PHF24: variants seen among roughly 807,000 people sequenced by gnomAD.
The protein encoded by PHF24 is PHD finger protein 24, also known as Galpha inhibitory interacting protein.
A neutral mutation model predicts 42.6 loss-of-function variants in PHF24; 25 were observed. The ratio of observed to expected loss-of-function variants is 0.59; its 90% CI spans 0.43 to 0.82. PHF24 has a LOEUF of 0.82. PHF24 is among the 40% of genes least tolerant of loss of function. The probability of loss-of-function intolerance (pLI) is 0.00; values close to 1 mark genes in which losing one functional copy is unlikely to be tolerated. For synonymous variants in PHF24, 185 were observed against 204.8 expected (o/e 0.90, Z 0.83); for missense variants, 470 against 538.1 (o/e 0.87, Z 1.25).
At chr9:34,741,219 A>AACACAC in the PHF24 span, among the ~76,000 whole-genome samples, 5 of 149,918 alleles carry the variant, frequency 3.3e-5, no homozygotes, top group African/African-American at 4.9e-5. Flanking sequence ...AAAGTTTAGA[A>AACACAC]ACACACACAC....
chr9:34,857,103 A>G, the PHF24 span, among the ~76,000 whole-genome samples: 1 of 152,170 alleles, frequency 6.6e-6, no homozygotes, highest in African/African-American at 2.4e-5. Context: ...CCAGCAGGCT[A>G]GAACAGCTGA....
chr9:34,833,235 C>T, the PHF24 span: 5 of 1,548,652 alleles, frequency 3.2e-6, no homozygotes, highest in South Asian at 3.6e-5. Flanking sequence ...CCACAGGGTT[C>T]CTCCAGGCTG....
the PHF24 span, among the ~76,000 whole-genome samples, chr9:34,891,393 C>T: frequency 6.6e-6 from 1 of 152,292 alleles, no homozygotes; most frequent in East Asian, 1.9e-4. Context: ...TATTTGTAAT[C>T]TATGTGGCTC....
chr9:34,942,863 G>C, the PHF24 span, among the ~76,000 whole-genome samples: 1 of 137,536 alleles, frequency 7.3e-6, no homozygotes. Context: ...ATGGGGGGCA[G>C]GGGGGAGGCA....
the PHF24 span, among the ~76,000 whole-genome samples, chr9:34,766,317 C>T: frequency 6.6e-6 from 1 of 152,304 alleles, no homozygotes; most frequent in East Asian, 1.9e-4. Flanking sequence ...GTTCCATTCT[C>T]CCCGTCACTT....
the PHF24 span, chr9:34,838,322 T>C: frequency 4.0e-6 from 3 of 742,610 alleles, no homozygotes; most frequent in South Asian, 2.9e-5. Flanking sequence ...GCTTAATTAG[T>C]TCAGTTGGAA....
chr9:34,872,148 C>G, the PHF24 span, among the ~76,000 whole-genome samples: 3 of 151,112 alleles, frequency 2.0e-5, no homozygotes, highest in Non-Finnish European at 4.4e-5. Flanking sequence ...TTTCTTTTTT[C>G]CTTTTGAGTG....
the PHF24 span, among the ~76,000 whole-genome samples, chr9:34,887,442 A>G: frequency 6.6e-6 from 1 of 152,092 alleles, no homozygotes; most frequent in Non-Finnish European, 1.5e-5. Context: ...TTACCACTGG[A>G]GTCATCCTCT....
chr9:34,723,749 TG>T, the PHF24 span: 1 of 1,551,734 alleles, frequency 6.4e-7, no homozygotes, highest in Non-Finnish European at 8.7e-7. Flanking sequence ...CTGTGAAGCC[TG>T]GGGCAACACA....
chr9:34,837,297 T>G, the PHF24 span: 83 of 353,046 alleles, frequency 2.4e-4, no homozygotes, highest in Middle Eastern at 1.1e-3. Flanking sequence ...CTTGTTCTTC[T>G]GTGCCCATTC....
the PHF24 span, among the ~76,000 whole-genome samples, chr9:34,945,415 C>G: frequency 6.6e-6 from 1 of 152,114 alleles, no homozygotes; most frequent in African/African-American, 2.4e-5. Context: ...GGAGAGCTAT[C>G]AGAACACGAC....
chr9:34,773,989 T>C, the PHF24 span, among the ~76,000 whole-genome samples: 1 of 152,178 alleles, frequency 6.6e-6, no homozygotes, highest in Admixed American at 6.5e-5. Context: ...TCAATATTAG[T>C]ATATTGATGA....
chr9:34,950,186 A>G, the PHF24 span, among the ~76,000 whole-genome samples: 54 of 151,980 alleles, frequency 3.6e-4, no homozygotes, highest in African/African-American at 1.2e-3. Context: ...CGTCTCTACT[A>G]AAAATACAAA....
At chr9:34,783,442 A>G in the PHF24 span, among the ~76,000 whole-genome samples, 1 of 152,188 alleles carries the variant, frequency 6.6e-6, no homozygotes, top group African/African-American at 2.4e-5. Flanking sequence ...CCTGGCTTCA[A>G]AACGACCTCT....
At chr9:34,870,411 C>T in the PHF24 span, among the ~76,000 whole-genome samples, 1 of 152,088 alleles carries the variant, frequency 6.6e-6, no homozygotes, top group Non-Finnish European at 1.5e-5. Flanking sequence ...TCTCTGTGCT[C>T]TACCTATTCA....
chr9:34,832,374 G>A, the PHF24 span: 2 of 918,592 alleles, frequency 2.2e-6, no homozygotes, highest in Non-Finnish European at 3.4e-6. Context: ...GCCTGGGGTT[G>A]AGGCAGAGCC....
the PHF24 span, among the ~76,000 whole-genome samples, chr9:34,944,611 C>A: frequency 6.6e-6 from 1 of 152,236 alleles, no homozygotes; most frequent in African/African-American, 2.4e-5. Context: ...CCAACATCTT[C>A]AAAGCATTCA....
chr9:34,976,532 C>T lies in PHF24; in HGVS notation c.644-3C>T, dbSNP rs1332961251. The T allele has an allele frequency of 6.2e-7, 1 of 1,609,394 alleles. No individual in the cohort carries two copies. The highest frequency in any genetic ancestry group is 8.5e-7 in the Non-Finnish European group (1 of 1,176,520). ...CATGGCTAGCACGGGGTGCCTCCCA[C>T]AGATTGCTCCCTGACACTGGAGGAC... On this transcript the variant is annotated splice_polypyrimidine_tract_variant and splice_region_variant and intron_variant, in intron 4 of 7. Coordinates refer to ENST00000242315, the Ensembl canonical transcript of PHF24.
At chr9:34,971,339 T>G (rs1563931924) in exon 2 of PHF24, 7 of 1,612,640 alleles carry the variant, frequency 4.3e-6, no homozygotes, top group Non-Finnish European at 5.9e-6. Context: ...GTGGAGCAGG[T>G]GCAGAAGGTG....
Sources: gnomAD v4.1 joint callset for allele counts (sites outside exome capture counted in the v4.1 genomes callset) on GRCh38, gnomAD v4.1.1 for gene constraint, MANE v1.5 for transcripts, NCBI Gene and HGNC (gene_info 2026-07-23, HGNC 2026-07-21) for gene names.